Variants in TTN observed in about 807,000 individuals in gnomAD.
TTN encodes the protein titin.
In TTN, 1,525 loss-of-function variants were observed where a neutral mutation model predicts 3,223.0. That is an observed-to-expected ratio of 0.47 (90% CI 0.45 to 0.49). The LOEUF is 0.49. TTN is among the 20% of genes least tolerant of loss of function. TTN has a pLI of 0.00. For synonymous variants in TTN, 14,094 were observed against 15,161.0 expected (o/e 0.93, Z 5.17); for missense variants, 40,786 against 43,424.0 (o/e 0.94, Z 5.40).
intron 44 of TTN, chr2:178,758,721 A>T (rs745958013): frequency 2.0e-6 from 1 of 498,870 alleles, no homozygotes; most frequent in South Asian, 2.2e-5. Context: ...ATTAGGAAGC[A>T]TGACAGCTGG....
rs115642947 is a variant in TTN, at chr2:178,765,808, C to T, written c.9703+573G>A. Among the ~76,000 whole-genome samples the T allele has an allele frequency of 3.8e-3, 573 of 152,310 alleles. 3 individuals carry two copies. The highest frequency in any genetic ancestry group is 0.013 in the African/African-American group (542 of 41,580). On this transcript the variant is annotated intron_variant, in intron 41 of 362. Coordinates refer to ENST00000589042, the MANE Select transcript of TTN (RefSeq NM_001267550.2). ...TGAGGAGAGCAGAGGTTTAACAGCACTTCCCTGGGGACTGCTCAGAGGCTC... is the reference window on the plus strand; with the variant it reads ...TGAGGAGAGCAGAGGTTTAACAGCATTTCCCTGGGGACTGCTCAGAGGCTC...
chr2:178,539,812 A>G lies in TTN; in HGVS notation c.98253T>C (p.Ile32751=). The G allele has an allele frequency of 3.1e-6, 5 of 1,613,828 alleles. No individual in the cohort carries two copies. Among genetic ancestry groups the G allele is most frequent in the Non-Finnish European group, 4.2e-6 (5 of 1,179,776 alleles). The change falls in exon 352 of 363, where the codon ATT becomes ATC. Residue 32751 remains isoleucine (I), a synonymous_variant. Transcript: ENST00000589042. ...GCTCAGTGTGTGTTTCAGATGTTGCAATCATGGCACGCTTACTAATATCCT... is the reference window on the plus strand; with the variant it reads ...GCTCAGTGTGTGTTTCAGATGTTGCGATCATGGCACGCTTACTAATATCCT... The part of the protein sequence containing the change: ...EGQDISKRAM[I]ATSETHTELV...
At position 178,715,578 on chromosome 2, in the gene TTN, G is replaced by A. The variant is rs373567498; in HGVS notation, c.25836C>T (p.Leu8612=). Residue 8612 remains leucine (L), a synonymous_variant, in exon 89 of 363, where the codon CTC becomes CTT. Coordinates refer to ENST00000589042, the MANE Select transcript of TTN (RefSeq NM_001267550.2). ...TGTAGTCTCCACTGTCTTCAACACT[G>A]AGATTGTGCATTTCCAGCACAGCCA... ...DSVAVLEMHN[L]SVEDSGDYTC... is the part of the protein sequence containing the mutation. The A allele has an allele frequency of 6.2e-7, 1 of 1,613,438 alleles. No homozygotes were observed. The highest frequency in any genetic ancestry group is 8.5e-7 in the Non-Finnish European group (1 of 1,179,654).
Position 178,694,571 on chromosome 2 carries a change from C to G in TTN, c.31426+28G>C. On this transcript the variant is annotated intron_variant, in intron 117 of 362. Transcript: ENST00000589042. ...TACACATAAATAAAAAAATTTTGAACTTGTAGCTGAAACACAAAGATGTAT... is the reference window on the plus strand; with the variant it reads ...TACACATAAATAAAAAAATTTTGAAGTTGTAGCTGAAACACAAAGATGTAT... 2 of 1,528,710 alleles carry G rather than the reference C, an allele frequency of 1.3e-6. 1 individual carries two copies. Among genetic ancestry groups the G allele is most frequent in the South Asian group, 2.5e-5 (2 of 79,090 alleles). The allele number at this position is 1,528,710 out of a possible 1,614,324, so 94.7% of individuals were successfully genotyped here.
At chr2:178,678,329 T>C in intron 144 of TTN, 85 bp downstream of exon 144, 1 of 1,501,388 alleles carries the variant, frequency 6.7e-7, no homozygotes, top group South Asian at 1.2e-5. Flanking sequence ...TTTAAAAATG[T>C]ACAATGTAAT....
rs2091933090 is a variant in TTN at position 178,774,228 on chromosome 2, T to C, written c.7036A>G (p.Thr2346Ala). 1 of 1,613,958 alleles carries C rather than the reference T, an allele frequency of 6.2e-7. No homozygotes were observed. The highest frequency in any genetic ancestry group is 1.3e-5 in the African/African-American group (1 of 74,904). Residue 2346 changes from threonine to alanine, a missense_variant, in exon 30 of 363, where the codon ACC becomes GCC. Thr to Ala is a moderately conservative substitution (Grantham distance 58). Coordinates refer to ENST00000589042, the MANE Select transcript of TTN (RefSeq NM_001267550.2). The part of the protein sequence containing the change: ...YSFVIDGKKT[T>A]CKLKMKPRPI... ...TTACGTTTCATCTTTAATTTACAGG[T>C]TGTCTTTTTCCCGTCGATGACAAAG...
chr2:178,742,077 A>G (rs1574104205), intron 47 of TTN, among the ~76,000 whole-genome samples, 156 bp from the exon 48 acceptor site: 1 of 152,134 alleles, frequency 6.6e-6, no homozygotes, highest in African/African-American at 2.4e-5. Context: ...GCACATTTCT[A>G]AATTTTTCTT....
chr2:178,791,659 GTA>G (rs1254267355), intron 10 of TTN, among the ~76,000 whole-genome samples: 2 of 128,952 alleles, frequency 1.6e-5, no homozygotes, highest in African/African-American at 3.1e-5. Context: ...TGATGTATGT[GTA>G]TATGTGTGTG....
rs748539440 is a variant in TTN, at chr2:178,695,391, A to C, written c.31227T>G (p.Val10409=). The C allele has an allele frequency of 4.5e-5, 72 of 1,612,348 alleles. No homozygotes were observed. In the Middle Eastern group the frequency reaches 5.0e-4, roughly 11 times the overall value. Reference sequence around the variant, plus strand: ...CTTTCTTTTCAGGTACTTTGGCTGGAACTTTTCTCTCATGTGATTCTGAAA... The same window carrying C: ...CTTTCTTTTCAGGTACTTTGGCTGGCACTTTTCTCTCATGTGATTCTGAAA... ...EVYEESHERK[V]PAKVPEKKAP... is the part of the protein sequence containing the mutation. The change falls in exon 115 of 363, where the codon GTT becomes GTG. Residue 10409 remains valine (V), a synonymous_variant. Coordinates refer to ENST00000589042, the MANE Select transcript of TTN (RefSeq NM_001267550.2).
chr2:178,804,722 T>G, intron 1 of TTN, 67 bp from the exon 2 acceptor site: 1 of 1,415,130 alleles, frequency 7.1e-7, no homozygotes, highest in African/African-American at 1.4e-5. Context: ...GCTTTGCAGA[T>G]AGCAGAGACA....
intron 282 of TTN, among the ~76,000 whole-genome samples, 165 bp downstream of exon 282, chr2:178,603,711 C>T (rs1249510582): frequency 6.6e-6 from 1 of 151,894 alleles, no homozygotes; most frequent in Non-Finnish European, 1.5e-5. Context: ...TGTATGTATA[C>T]ACACATAAAT....
chr2:178,557,582 T>G (rs774849838), intron 328 of TTN, 27 bp from the exon 329 acceptor site: 3 of 1,613,652 alleles, frequency 1.9e-6, no homozygotes, highest in Non-Finnish European at 1.7e-6. Flanking sequence ...TCCTATAGAT[T>G]AGTACAGACA....
At chr2:178,645,199 G>T (rs1442893649) in intron 217 of TTN, 2 of 152,104 alleles carry the variant, frequency 1.3e-5, no homozygotes, top group East Asian at 1.9e-4. Context: ...AGCTTTTAAA[G>T]AAACTGATAT....
chr2:178,731,594 A>G lies in TTN; in HGVS notation c.17183-11T>C, dbSNP rs747080050. On this transcript the variant is annotated splice_polypyrimidine_tract_variant and intron_variant, in intron 58 of 362. Coordinates refer to ENST00000589042, the MANE Select transcript of TTN (RefSeq NM_001267550.2). ...TGAAGGATGGGGGTTCTAACAGAAG[A>G]ATGAATTCTCAATCAATATTATCCC... The G allele has an allele frequency of 6.3e-7, 1 of 1,584,254 alleles. No individual in the cohort carries two copies. Among genetic ancestry groups the G allele is most frequent in the Non-Finnish European group, 8.6e-7 (1 of 1,165,500 alleles).
Position 178,570,039 on chromosome 2 carries a change from T to C in TTN, c.76093A>G (p.Arg25365Gly). Residue 25365 changes from arginine to glycine, a missense_variant, in exon 326 of 363, where the codon AGA (arginine) becomes GGA (glycine). By Grantham distance (125) the Arg-to-Gly change is moderately radical (BLOSUM62 -2). Coordinates refer to ENST00000589042, the MANE Select transcript of TTN (RefSeq NM_001267550.2). ...TGATTTTCTATGAGTCCAGTTACTC[T>C]CAGGCGCAACTCTCCAATCAGACGC... Reference protein sequence around the residue: ...HKRLIGELRLRVTGLIENHDY... With the variant: ...HKRLIGELRLGVTGLIENHDY... 6.2e-7 allele frequency: 1 copy of C among 1,613,362 alleles called. No homozygotes were observed. Among genetic ancestry groups the C allele is most frequent in the South Asian group, 1.1e-5 (1 of 91,070 alleles).
chr2:178,664,411 C>G lies in TTN; in HGVS notation c.36280+49G>C, dbSNP rs543387905. 14 of 1,422,036 alleles carry G rather than the reference C, an allele frequency of 9.8e-6. No individual in the cohort carries two copies. The African/African-American group carries it at 1.6e-4, about 16-fold the overall frequency. 88.1% of individuals were successfully genotyped at this position (1,422,036 alleles called of 1,614,324 possible). ...TTCAAAACTAGAAAGGTGGTCCTTT[C>G]TATCGCCCCACCCACTATCCCACCA... is the stretch of plus-strand genomic sequence containing the variant. On this transcript the variant is annotated intron_variant, in intron 168 of 362. Coordinates refer to ENST00000589042, the MANE Select transcript of TTN (RefSeq NM_001267550.2).
intron 356 of TTN, 102 bp from the exon 357 acceptor site, chr2:178,536,677 A>C: frequency 1.9e-6 from 2 of 1,033,548 alleles, no homozygotes; most frequent in Non-Finnish European, 1.3e-6. Flanking sequence ...AAATTTTGTT[A>C]AAAAATAGCT....
In TTN at chr2:178,530,734, G is replaced by A. The variant is rs569210689; in HGVS notation, c.105881C>T (p.Ala35294Val). 13 of 1,613,906 alleles carry A rather than the reference G, an allele frequency of 8.1e-6. No homozygotes were observed. The South Asian group carries it at 1.4e-4, about 18-fold the overall frequency. The part of the protein sequence containing the change: ...APPKITQFLK[A>V]EASKEIAKLT... ...TTTTGCAATCTCTTTAGAAGCTTCT[G>A]CTTTCAGGAACTGAGTAATCTTTGG... Residue 35294 changes from alanine (A) to valine (V), a missense_variant, in exon 358 of 363, where the codon GCA becomes GTA. Physicochemically the swap from Ala to Val is moderately conservative, Grantham distance 64. Transcript: ENST00000589042.
At position 178,792,626 on chromosome 2, in the gene TTN, C is replaced by A. The variant is rs865976521; in HGVS notation, c.1537-429G>T. ...AAATCAAGCATGGATAATTTATAAT[C>A]TGCATTTATACAATATTTTTGTTTT... is the stretch of plus-strand genomic sequence containing the variant. On this transcript the variant is annotated intron_variant, in intron 9 of 362. Transcript: ENST00000589042. Among the ~76,000 whole-genome samples the A allele has an allele frequency of 4.7e-4, 71 of 152,336 alleles. 4 individuals carry two copies. In the Middle Eastern group the frequency reaches 0.01, roughly 22 times the overall value.
Sources: allele counts gnomAD v4.1 joint callset (sites outside exome capture counted in the v4.1 genomes callset), GRCh38; gene constraint gnomAD v4.1.1; transcripts MANE v1.5; gene names NCBI Gene and HGNC (gene_info 2026-07-23, HGNC 2026-07-21).